Variants in C4orf46 observed in about 807,000 individuals in gnomAD.
C4orf46 encodes the protein renal cancer differentiation gene 1 protein.
In C4orf46, 8 loss-of-function variants were observed where a neutral mutation model predicts 9.1. The ratio of observed to expected loss-of-function variants is 0.88; its 90% CI spans 0.52 to 1.59. The LOEUF (loss-of-function observed/expected upper bound fraction) is 1.59. Among genes scored for constraint, C4orf46 ranks in the 40% most tolerant of loss-of-function variants. C4orf46 has a pLI of 0.00. For synonymous variants in C4orf46, 51 were observed against 58.8 expected (o/e 0.87, Z 0.61); for missense variants, 151 against 139.1 (o/e 1.09, Z -0.43).
At chr4:158,671,086 G>A (rs1164998843) in intron 1 of C4orf46, among the ~76,000 whole-genome samples, 1 of 152,192 alleles carries the variant, frequency 6.6e-6, no homozygotes, top group Non-Finnish European at 1.5e-5. Context: ...CAGGCCTGGG[G>A]CAGACAATGG....
In C4orf46 at chr4:158,668,479, A is replaced by C. The variant is rs1307197295; in HGVS notation, c.*1134T>G. 1 of 152,622 alleles carries C rather than the reference A, an allele frequency of 6.6e-6. No individual in the cohort carries two copies. The highest frequency in any genetic ancestry group is 1.5e-5 in the Non-Finnish European group (1 of 68,040). 9.5% of individuals were successfully genotyped at this position (152,622 alleles called of 1,614,324 possible). On this transcript the variant is annotated 3_prime_UTR_variant, in exon 2 of 2. Coordinates refer to ENST00000379205, the MANE Select transcript of C4orf46 (RefSeq NM_001008393.4). ...GTTCTGTACCTATCTCCATATCTAC[A>C]AAGAATTAAGATGTTGTATCAAAAA...
In C4orf46 at chr4:158,669,814, C is replaced by T. The variant is rs752363078; in HGVS notation, c.187-46G>A. 3.3e-6 allele frequency: 5 copies of T among 1,493,118 alleles called. No homozygotes were observed. In the South Asian group the frequency reaches 6.3e-5, roughly 19 times the overall value. The allele number at this position is 1,493,118 out of a possible 1,614,324, so 92.5% of individuals were successfully genotyped here. On this transcript the variant is annotated intron_variant, in intron 1 of 1. Coordinates refer to ENST00000379205, the MANE Select transcript of C4orf46 (RefSeq NM_001008393.4). ...ATAATTTTATTTTTAAAATTCTCAT[C>T]TCATTTTATAAGCAGGCTGAAAATA...
At chr4:158,669,845 AGGC>A (rs1773476482) in intron 1 of C4orf46, 77 bp from the exon 2 acceptor site, 1 of 1,249,334 alleles carries the variant, frequency 8.0e-7, no homozygotes, top group Non-Finnish European at 1.1e-6. Flanking sequence ...AAATAGCTTA[AGGC>A]TTTGAATCCA....
rs1332033927 is a variant in C4orf46 at position 158,671,828 on chromosome 4, G to C, written c.-27C>G. The C allele has an allele frequency of 1.4e-6, 2 of 1,453,852 alleles. No homozygotes were observed. The allele number at this position is 1,453,852 out of a possible 1,614,324, so 90.1% of individuals were successfully genotyped here. A position where few individuals can be genotyped will look rare whatever the true frequency, so the allele number is the denominator to read the frequency against. On this transcript the variant is annotated 5_prime_UTR_variant, in exon 1 of 2. Coordinates refer to ENST00000379205, the MANE Select transcript of C4orf46 (RefSeq NM_001008393.4). ...GGGAAGGGTTGGGACCGCGGAATCC[G>C]ACCCGAGAAGCCGAACCGACACCAA... is the stretch of plus-strand genomic sequence containing the variant.
intron 1 of C4orf46, among the ~76,000 whole-genome samples, chr4:158,671,120 G>C (rs1031075838): frequency 6.6e-6 from 1 of 152,218 alleles, no homozygotes; most frequent in Non-Finnish European, 1.5e-5. Context: ...CCCTGGGCAG[G>C]TGGCCAACTA....
upstream of C4orf46, chr4:158,671,927 C>G (rs1213481595): frequency 2.6e-6 from 2 of 757,772 alleles, no homozygotes; most frequent in Non-Finnish European, 4.2e-6. Context: ...CCAGTCTCCT[C>G]GTGGGTCTCA....
At chr4:158,670,237 G>A (rs965483698) in intron 1 of C4orf46, among the ~76,000 whole-genome samples, 13 of 151,950 alleles carry the variant, frequency 8.6e-5, no homozygotes, top group African/African-American at 2.9e-4. Flanking sequence ...TGGTCACGCT[G>A]GTCTCGAACT....
At position 158,669,536 on chromosome 4, in the gene C4orf46, T is replaced by C; in HGVS notation, c.*77A>G. 7.0e-7 allele frequency: 1 copy of C among 1,426,358 alleles called. No homozygotes were observed. The highest frequency in any genetic ancestry group is 9.7e-7 in the Non-Finnish European group (1 of 1,026,356). The allele number at this position is 1,426,358 out of a possible 1,614,324, so 88.4% of individuals were successfully genotyped here. ...ACTGCTGGACAGAGGTCATCCTATATGTGTGGTACATGTACAAAATATGAC... is the reference window on the plus strand; with the variant it reads ...ACTGCTGGACAGAGGTCATCCTATACGTGTGGTACATGTACAAAATATGAC... On this transcript the variant is annotated 3_prime_UTR_variant, in exon 2 of 2. Transcript: ENST00000379205.
chr4:158,669,400 T>C lies in C4orf46; in HGVS notation c.*213A>G. 4.5e-6 allele frequency: 2 copies of C among 439,972 alleles called. No homozygotes were observed. The highest frequency in any genetic ancestry group is 8.2e-6 in the Non-Finnish European group (2 of 244,388). 27.3% of individuals were successfully genotyped at this position (439,972 alleles called of 1,614,324 possible). On this transcript the variant is annotated 3_prime_UTR_variant, in exon 2 of 2. Transcript: ENST00000379205. ...AGGATTCTATGAAAGTTCAGAGGCATAAAGTATTTAAGGACAAACAAGTAC... is the reference window on the plus strand; with the variant it reads ...AGGATTCTATGAAAGTTCAGAGGCACAAAGTATTTAAGGACAAACAAGTAC...
At chr4:158,672,016 C>G, upstream of C4orf46, 1 of 558,038 alleles carries the variant, frequency 1.8e-6, no homozygotes, top group Non-Finnish European at 3.2e-6. Context: ...CTCACGGCTC[C>G]TGCGCGAGCC....
chr4:158,669,740 T>A lies in C4orf46; in HGVS notation c.215A>T (p.Glu72Val). 6.2e-7 allele frequency: 1 copy of A among 1,608,606 alleles called. No individual in the cohort carries two copies. Among genetic ancestry groups the A allele is most frequent in the Non-Finnish European group, 8.5e-7 (1 of 1,177,934 alleles). ...TTGAGCTGATACTGCAGATGTGGCT[T>A]CAAGAAGTTTGGTTAATGAAAAGGC... ...DAAFSLTKLL[E>V]ATSAVSAQVE... The change falls in exon 2 of 2, where the codon GAA (glutamate) becomes GTA (valine). Residue 72 changes from glutamate to valine, a missense_variant. Physicochemically the swap from Glu to Val is moderately radical, Grantham distance 121 (BLOSUM62 -2). Coordinates refer to ENST00000379205, the MANE Select transcript of C4orf46 (RefSeq NM_001008393.4).
At chr4:158,671,362 AG>A (rs1190068006) in intron 1 of C4orf46, among the ~76,000 whole-genome samples, 1 of 152,038 alleles carries the variant, frequency 6.6e-6, no homozygotes, top group Non-Finnish European at 1.5e-5. Context: ...GAAACCAGTG[AG>A]GGGTGGGGCG....
At chr4:158,670,901 T>C (rs746788639) in intron 1 of C4orf46, among the ~76,000 whole-genome samples, 1 of 151,934 alleles carries the variant, frequency 6.6e-6, no homozygotes, top group South Asian at 2.1e-4. Context: ...TCCCCTCCAG[T>C]GGTGTGTGAG....
In C4orf46 at chr4:158,669,750, T is replaced by C; in HGVS notation, c.205A>G (p.Lys69Glu). ...ACTGCAGATGTGGCTTCAAGAAGTT[T>C]GGTTAATGAAAAGGCTGCCTAAAAA... ...QIGDAAFSLTKLLEATSAVSA... is the reference protein window; with the variant it reads ...QIGDAAFSLTELLEATSAVSA... Residue 69 changes from lysine (K) to glutamate (E), a missense_variant, in exon 2 of 2, where the codon AAA becomes GAA. Lys to Glu is a moderately conservative substitution (Grantham distance 56). Coordinates refer to ENST00000379205, the MANE Select transcript of C4orf46 (RefSeq NM_001008393.4). The C allele has an allele frequency of 6.2e-7, 1 of 1,601,974 alleles. No individual in the cohort carries two copies. Among genetic ancestry groups the C allele is most frequent in the Non-Finnish European group, 8.5e-7 (1 of 1,176,174 alleles).
rs756399406 is a variant in C4orf46, at chr4:158,668,824, G to T, written c.*789C>A. On this transcript the variant is annotated 3_prime_UTR_variant, in exon 2 of 2. Transcript: ENST00000379205. ...TTAAACTGCAAAAGCAGTAACCACA[G>T]AAATAAATAGGGAAAAAATATGCAT... 16 of 151,888 alleles carry T rather than the reference G, an allele frequency of 1.1e-4. No individual in the cohort carries two copies. The highest frequency in any genetic ancestry group is 2.0e-4 in the Admixed American group (3 of 15,250). The allele number at this position is 151,888 out of a possible 1,614,324, so 9.4% of individuals were successfully genotyped here.
At chr4:158,672,025 C>G, upstream of C4orf46, 1 of 556,260 alleles carries the variant, frequency 1.8e-6, no homozygotes, top group East Asian at 2.9e-5. Context: ...CCTGCGCGAG[C>G]CTCCAATCGA....
At chr4:158,671,962 T>C (rs1158261986), upstream of C4orf46, 2 of 593,168 alleles carry the variant, frequency 3.4e-6, no homozygotes, top group East Asian at 6.0e-5. Context: ...AGACGTTTCA[T>C]TTTTCGGGAC....
rs747346810 is a variant in C4orf46, at chr4:158,671,730, G to A, written c.72C>T (p.Asp24=). The change falls in exon 1 of 2, where the codon GAC becomes GAT. Residue 24 remains aspartate, a synonymous_variant. Coordinates refer to ENST00000379205, the MANE Select transcript of C4orf46 (RefSeq NM_001008393.4). ...PPPPSSPSSS[D]ASAASSPGGP... Reference sequence around the variant, plus strand: ...CGCCCGGGGAAGATGCTGCAGAGGCGTCTGAAGAGGAGGGAGAAGAGGGAG... The same window carrying A: ...CGCCCGGGGAAGATGCTGCAGAGGCATCTGAAGAGGAGGGAGAAGAGGGAG... 1 of 1,595,256 alleles carries A rather than the reference G, an allele frequency of 6.3e-7. No homozygotes were observed. The highest frequency in any genetic ancestry group is 8.5e-7 in the Non-Finnish European group (1 of 1,171,228).
rs1302330765 is a variant in C4orf46, at chr4:158,667,321, T to C, written c.*2292A>G. 2 of 152,332 alleles carry C rather than the reference T, an allele frequency of 1.3e-5. No individual in the cohort carries two copies. Among genetic ancestry groups the C allele is most frequent in the East Asian group, 3.9e-4 (2 of 5,192 alleles). The allele number at this position is 152,332 out of a possible 1,614,324, so 9.4% of individuals were successfully genotyped here. A position where few individuals can be genotyped will look rare whatever the true frequency, so the allele number is the denominator to read the frequency against. On this transcript the variant is annotated 3_prime_UTR_variant, in exon 2 of 2. Transcript: ENST00000379205. The stretch of plus-strand genomic sequence containing the variant: ...CATCTAAATGTTAAAAACAAAAATT[T>C]TGTAACTTTTGGAAGGCTGAATAGG...
Sources: gnomAD v4.1 joint callset for allele counts (sites outside exome capture counted in the v4.1 genomes callset) on GRCh38, gnomAD v4.1.1 for gene constraint, MANE v1.5 for transcripts, NCBI Gene and HGNC (gene_info 2026-07-23, HGNC 2026-07-21) for gene names.